DLGAP1: variants seen among roughly 807,000 people sequenced by gnomAD.
DLGAP1 encodes the protein disks large-associated protein 1.
Under a neutral mutation model 90.8 loss-of-function variants are expected in DLGAP1, and 11 were observed. The ratio of observed to expected loss-of-function variants is 0.12; its 90% CI spans 0.08 to 0.20. The LOEUF (loss-of-function observed/expected upper bound fraction) is 0.20, where lower values mean the gene tolerates loss of function less well. Ranked by LOEUF, DLGAP1 falls within the 10% of genes least tolerant of loss-of-function variation. The pLI, the probability that DLGAP1 is intolerant of heterozygous loss-of-function variation, is 1.00. For synonymous variants in DLGAP1, 558 were observed against 540.7 expected (o/e 1.03, Z -0.44); for missense variants, 1,050 against 1,333.8 (o/e 0.79, Z 3.31).
chr18:3,763,923 A>G (rs377513498), intron 5 of DLGAP1, among the ~76,000 whole-genome samples: 6 of 152,036 alleles, frequency 3.9e-5, no homozygotes, highest in Middle Eastern at 3.2e-3. Flanking sequence ...CGGCCTCCCA[A>G]AGTGCTGGGA....
At chr18:3,919,133 C>G (rs1397986916) in intron 3 of DLGAP1, among the ~76,000 whole-genome samples, 1 of 152,146 alleles carries the variant, frequency 6.6e-6, no homozygotes, top group Non-Finnish European at 1.5e-5. Flanking sequence ...TGGCTTTGAC[C>G]TTTTTCTGGC....
At chr18:3,576,560 C>T (rs1485422259) in intron 8 of DLGAP1, among the ~76,000 whole-genome samples, 1 of 149,154 alleles carries the variant, frequency 6.7e-6, no homozygotes, top group Non-Finnish European at 1.5e-5. Context: ...CAGCCAGCTC[C>T]AGCTCCTTTT....
At chr18:4,283,385 A>G (rs1279683136) in intron 1 of DLGAP1, among the ~76,000 whole-genome samples, 1 of 152,218 alleles carries the variant, frequency 6.6e-6, no homozygotes, top group Non-Finnish European at 1.5e-5. Flanking sequence ...AATATTATGT[A>G]GCAAAAGGAT....
At chr18:3,793,180 A>T (rs1251322323) in intron 5 of DLGAP1, among the ~76,000 whole-genome samples, 1 of 152,066 alleles carries the variant, frequency 6.6e-6, no homozygotes, top group Non-Finnish European at 1.5e-5. Flanking sequence ...ACGGTTCCAT[A>T]TGGCCTCTCC....
At chr18:3,549,452 C>T (rs1462419051) in intron 9 of DLGAP1, among the ~76,000 whole-genome samples, 2 of 151,732 alleles carry the variant, frequency 1.3e-5, no homozygotes, top group Non-Finnish European at 1.5e-5. Flanking sequence ...CCTGCCTCAG[C>T]CTCCTGAGTA....
intron 7 of DLGAP1, among the ~76,000 whole-genome samples, chr18:3,598,738 G>A (rs557932244): frequency 6.6e-6 from 1 of 152,038 alleles, no homozygotes; most frequent in East Asian, 1.9e-4. Flanking sequence ...AAAGTGCTGG[G>A]ATTAAGGGCG....
chr18:3,588,730 A>C (rs901283146), intron 7 of DLGAP1, among the ~76,000 whole-genome samples: 1 of 151,318 alleles, frequency 6.6e-6, no homozygotes, highest in Non-Finnish European at 1.5e-5. Context: ...CAGTGAGCCA[A>C]GATCGCGCCA....
chr18:3,682,128 AAAT>A (rs1220564019), intron 7 of DLGAP1, among the ~76,000 whole-genome samples: 11 of 114,270 alleles, frequency 9.6e-5, no homozygotes, highest in African/African-American at 2.5e-4. Context: ...AAAAAAAAAA[AAAT>A]AAAAAAAAAT....
At chr18:4,065,840 A>T (rs140941034) in intron 2 of DLGAP1, among the ~76,000 whole-genome samples, 1 of 129,992 alleles carries the variant, frequency 7.7e-6, no homozygotes, top group Non-Finnish European at 1.6e-5. Context: ...CATGGAACAA[A>T]AAAAGGGCTT....
intron 1 of DLGAP1, among the ~76,000 whole-genome samples, chr18:4,269,413 G>A (rs2079211165): frequency 6.8e-6 from 1 of 147,626 alleles, no homozygotes. Context: ...GAGTGCAGTG[G>A]CGCGATCTCA....
At chr18:3,566,100 T>C (rs1409624710) in intron 9 of DLGAP1, among the ~76,000 whole-genome samples, 2 of 152,160 alleles carry the variant, frequency 1.3e-5, no homozygotes, top group Admixed American at 6.5e-5. Flanking sequence ...TGAGGTGCTA[T>C]AAATTACAAA....
At position 3,534,217 on chromosome 18, in the gene DLGAP1, C is replaced by A; in HGVS notation, c.2456G>T (p.Arg819Leu). 1 of 1,613,808 alleles carries A rather than the reference C, an allele frequency of 6.2e-7. No homozygotes were observed. Among genetic ancestry groups the A allele is most frequent in the Non-Finnish European group, 8.5e-7 (1 of 1,179,818 alleles). Reference sequence around the variant, plus strand: ...ACTGTCTTCGGGCAGGTTGTTTTCCCGTTCTTCCCGCTCCATCTGTTGACA... The same window carrying A: ...ACTGTCTTCGGGCAGGTTGTTTTCCAGTTCTTCCCGCTCCATCTGTTGACA... ...GWCQQMEREE[R>L]ENNLPEDILG... Residue 819 changes from arginine (R) to leucine (L), a missense_variant, in exon 10 of 13, where the codon CGG (arginine) becomes CTG (leucine). Arg to Leu is a moderately radical substitution (Grantham distance 102). Coordinates refer to ENST00000315677, the MANE Select transcript of DLGAP1 (RefSeq NM_004746.4).
At chr18:3,953,732 T>A (rs999256840) in intron 3 of DLGAP1, among the ~76,000 whole-genome samples, 1 of 152,252 alleles carries the variant, frequency 6.6e-6, no homozygotes, top group Non-Finnish European at 1.5e-5. Context: ...ATTGAATGGT[T>A]GTTCTATTTT....
At chr18:3,731,849 G>C (rs2062444500) in intron 6 of DLGAP1, among the ~76,000 whole-genome samples, 1 of 152,072 alleles carries the variant, frequency 6.6e-6, no homozygotes. Context: ...CCACTACCCA[G>C]ATCAAGAAGC....
intron 1 of DLGAP1, among the ~76,000 whole-genome samples, chr18:4,258,382 C>A (rs973171014): frequency 1.3e-5 from 2 of 152,136 alleles, no homozygotes; most frequent in Non-Finnish European, 2.9e-5. Flanking sequence ...AACACCACCT[C>A]TTGATGAATG....
chr18:4,178,855 G>A (rs190458207), intron 1 of DLGAP1, among the ~76,000 whole-genome samples: 1 of 152,156 alleles, frequency 6.6e-6, no homozygotes, highest in East Asian at 1.9e-4. Context: ...GTTATAAAGA[G>A]TATGCAATAT....
At chr18:4,354,887 C>CAAAA (rs60379984) in intron 1 of DLGAP1, among the ~76,000 whole-genome samples, 11 of 23,874 alleles carry the variant, frequency 4.6e-4, no homozygotes, top group Admixed American at 1.6e-3. Flanking sequence ...TTACTCTCAC[C>CAAAA]AAAAAAAAAA....
At chr18:3,797,628 C>T (rs1472918825) in intron 5 of DLGAP1, among the ~76,000 whole-genome samples, 1 of 152,172 alleles carries the variant, frequency 6.6e-6, no homozygotes, top group African/African-American at 2.4e-5. Flanking sequence ...AGCATGAAAA[C>T]AGAAGCTTCT....
At chr18:4,088,164 A>G (rs2075715234) in intron 2 of DLGAP1, among the ~76,000 whole-genome samples, 1 of 151,564 alleles carries the variant, frequency 6.6e-6, no homozygotes, top group African/African-American at 2.4e-5. Context: ...TTCCTATTGC[A>G]TTTATGATAT....
Sources: gnomAD v4.1 joint callset for allele counts (sites outside exome capture counted in the v4.1 genomes callset) on GRCh38, gnomAD v4.1.1 for gene constraint, MANE v1.5 for transcripts, NCBI Gene and HGNC (gene_info 2026-07-23, HGNC 2026-07-21) for gene names.